Variants in CDS2 observed in about 807,000 individuals in gnomAD.
CDS2 encodes CDP-diacylglycerol synthase 2.
Under a neutral mutation model 59.0 loss-of-function variants are expected in CDS2, and 47 were observed. The observed-to-expected ratio is 0.80, with a 90% CI of 0.63 to 1.02. CDS2 has a LOEUF of 1.02. Among genes scored for constraint, CDS2 ranks in the 50% least tolerant of loss-of-function variants. The probability of loss-of-function intolerance (pLI) is 0.00; values close to 1 mark genes in which losing one functional copy is unlikely to be tolerated. For synonymous variants in CDS2, 207 were observed against 206.4 expected, an observed-to-expected ratio of 1.00 and a Z score of -0.02; for missense variants, 356 against 558.9, an observed-to-expected ratio of 0.64 and a Z score of 3.66.
intron 1 of CDS2, among the ~76,000 whole-genome samples, chr20:5,163,900 C>T (rs1386454816): frequency 6.6e-6 from 1 of 150,586 alleles, no homozygotes; most frequent in African/African-American, 2.4e-5. Flanking sequence ...AAGCAGTTCT[C>T]TTGCCTCAGC....
chr20:5,195,606 A>C lies in CDS2; in HGVS notation c.*5372A>C, dbSNP rs2091151567. The C allele has an allele frequency of 6.6e-6, 1 of 152,386 alleles. No individual in the cohort carries two copies. Among genetic ancestry groups the C allele is most frequent in the Non-Finnish European group, 1.5e-5 (1 of 68,234 alleles). The allele number at this position is 152,386 out of a possible 1,614,324, so 9.4% of individuals were successfully genotyped here. A position where few individuals can be genotyped will look rare whatever the true frequency, so the allele number is the denominator to read the frequency against. ...TCTGGCCAAGGGCTGTCTTCTGTGCACATAGCTCAGGAGCCTGCAGCAGTT... is the reference window on the plus strand; with the variant it reads ...TCTGGCCAAGGGCTGTCTTCTGTGCCCATAGCTCAGGAGCCTGCAGCAGTT... On this transcript the variant is annotated 3_prime_UTR_variant, in exon 13 of 13. Transcript: ENST00000460006.
At chr20:5,153,619 C>G (rs2090809941) in intron 1 of CDS2, among the ~76,000 whole-genome samples, 1 of 152,186 alleles carries the variant, frequency 6.6e-6, no homozygotes, top group South Asian at 2.1e-4. Flanking sequence ...AGATTTCTCC[C>G]AAGATCGTAT....
chr20:5,180,325 G>A (rs2091024729), intron 5 of CDS2, among the ~76,000 whole-genome samples: 1 of 151,586 alleles, frequency 6.6e-6, no homozygotes, highest in African/African-American at 2.4e-5. Context: ...TTAAGGGGAA[G>A]CAAGTTTATT....
intron 5 of CDS2, among the ~76,000 whole-genome samples, chr20:5,180,605 G>A (rs6053178): frequency 0.46 from 69,642 of 151,826 alleles, 16,354 homozygotes; most frequent in South Asian, 0.62. Context: ...CTTTACTGCA[G>A]TTGTTTTCTC....
intron 1 of CDS2, among the ~76,000 whole-genome samples, chr20:5,139,903 G>A (rs1600472315): frequency 6.6e-6 from 1 of 151,262 alleles, no homozygotes; most frequent in African/African-American, 2.4e-5. Context: ...GGTTCAAGCA[G>A]TTCTCCCTGC....
At chr20:5,186,070 CCTT>C (rs1317603521) in intron 9 of CDS2, among the ~76,000 whole-genome samples, 1 of 152,228 alleles carries the variant, frequency 6.6e-6, no homozygotes, top group East Asian at 1.9e-4. Flanking sequence ...CAGCAGGTAG[CCTT>C]CTTGTCAGGC....
chr20:5,136,691 T>A (rs772462078), intron 1 of CDS2, among the ~76,000 whole-genome samples: 6 of 152,130 alleles, frequency 3.9e-5, no homozygotes, highest in Non-Finnish European at 7.4e-5. Flanking sequence ...GAAACTGCCC[T>A]AATAATTATT....
chr20:5,174,699 G>A (rs915197062), intron 2 of CDS2, among the ~76,000 whole-genome samples: 2 of 150,732 alleles, frequency 1.3e-5, no homozygotes, highest in Non-Finnish European at 2.9e-5. Flanking sequence ...TCCAACCTGG[G>A]CTACAGAGGA....
At chr20:5,150,418 T>TA (rs978677313) in intron 1 of CDS2, among the ~76,000 whole-genome samples, 8 of 152,268 alleles carry the variant, frequency 5.3e-5, no homozygotes, top group African/African-American at 1.7e-4. Flanking sequence ...TCTGCCTTCC[T>TA]AGCTTCCTGG....
intron 5 of CDS2, among the ~76,000 whole-genome samples, chr20:5,181,749 A>G (rs572338118): frequency 5.3e-5 from 8 of 152,330 alleles, no homozygotes; most frequent in South Asian, 2.1e-4. Flanking sequence ...TGTGTAGTCT[A>G]TTTCTCTTAG....
At position 5,190,166 on chromosome 20, in the gene CDS2, A is replaced by G; in HGVS notation, c.1270A>G (p.Ile424Val). The part of the protein sequence containing the change: ...LTLRPDQQLH[I>V]FNTLRSHLID... ...TTTACGGCCAGATCAGCAGCTCCAC[A>G]TCTTCAACACGCTGCGGTCTCATCT... is the stretch of plus-strand genomic sequence containing the variant. Residue 424 changes from isoleucine to valine, a missense_variant, in exon 13 of 13, where the codon ATC (isoleucine) becomes GTC (valine). Physicochemically the swap from Ile to Val is conservative, Grantham distance 29 (BLOSUM62 3). Transcript: ENST00000460006. The G allele has an allele frequency of 2.5e-6, 4 of 1,613,962 alleles. No individual in the cohort carries two copies. The highest frequency in any genetic ancestry group is 2.2e-5 in the South Asian group (2 of 91,070).
At chr20:5,138,030 C>G (rs1189265926) in intron 1 of CDS2, among the ~76,000 whole-genome samples, 1 of 151,834 alleles carries the variant, frequency 6.6e-6, no homozygotes, top group African/African-American at 2.4e-5. Flanking sequence ...ATCTCCTGAC[C>G]TCGTGATGCG....
chr20:5,171,545 T>C (rs1600501938), intron 1 of CDS2, among the ~76,000 whole-genome samples: 1 of 152,236 alleles, frequency 6.6e-6, no homozygotes, highest in East Asian at 1.9e-4. Context: ...TACTGGCAAC[T>C]GGTGGTTGCC....
At chr20:5,161,655 A>G (rs2090877543) in intron 1 of CDS2, among the ~76,000 whole-genome samples, 1 of 152,216 alleles carries the variant, frequency 6.6e-6, no homozygotes, top group Non-Finnish European at 1.5e-5. Flanking sequence ...AGCTGCACAG[A>G]AAGTTGATTT....
At position 5,184,520 on chromosome 20, in the gene CDS2, G is replaced by A. The variant is rs543608802; in HGVS notation, c.672-338G>A. On this transcript the variant is annotated intron_variant, in intron 7 of 12. Transcript: ENST00000460006. This position sits in a 1 kb window ranked among gnomAD's most constrained non-coding sequence, Gnocchi z 4.3. Reference sequence around the variant, plus strand: ...GTGGTTATTTTTGGGAATGGAGATAGGGATGGGAGAAAGAAGGAAAACTTT... The same window carrying A: ...GTGGTTATTTTTGGGAATGGAGATAAGGATGGGAGAAAGAAGGAAAACTTT... 3.0e-4 allele frequency among the ~76,000 whole-genome samples: 45 copies of A among 152,258 alleles called. No homozygotes were observed. Among genetic ancestry groups the A allele is most frequent in the African/African-American group, 1.0e-3 (42 of 41,540 alleles).
chr20:5,189,964 T>C, intron 12 of CDS2, 126 bp downstream of exon 12: 1 of 1,365,764 alleles, frequency 7.3e-7, no homozygotes, highest in Non-Finnish European at 1.0e-6. Context: ...TTGTTTCTGC[T>C]TACAGATTTT....
At position 5,190,972 on chromosome 20, in the gene CDS2, T is replaced by TC. The variant is rs1379806050; in HGVS notation, c.*739dup. The stretch of plus-strand genomic sequence containing the variant: ...CTGTAACTGAGCCCTTTCCCACATG[T>TC]CTAGGCTCCAATGTCTCCTGTAGGT... On this transcript the variant is annotated 3_prime_UTR_variant, in exon 13 of 13. Coordinates refer to ENST00000460006, the MANE Select transcript of CDS2 (RefSeq NM_003818.4). 6.6e-6 allele frequency: 1 copy of TC among 152,652 alleles called. No homozygotes were observed. The highest frequency in any genetic ancestry group is 1.5e-5 in the Non-Finnish European group (1 of 68,038). The allele number at this position is 152,652 out of a possible 1,614,324, so 9.5% of individuals were successfully genotyped here.
chr20:5,141,250 GAACA>G (rs1325761888), intron 1 of CDS2, among the ~76,000 whole-genome samples: 6 of 152,252 alleles, frequency 3.9e-5, no homozygotes, highest in African/African-American at 1.2e-4. Context: ...AGAAGAATCT[GAACA>G]GACAGGCCTT....
chr20:5,185,895 G>A (rs1338876456), intron 9 of CDS2, 69 bp downstream of exon 9: 15 of 1,417,806 alleles, frequency 1.1e-5, no homozygotes, highest in Non-Finnish European at 1.3e-5. Context: ...TCCAAGGCCT[G>A]TCCAGAGCTG....
Sources: allele counts gnomAD v4.1 joint callset (sites outside exome capture counted in the v4.1 genomes callset), GRCh38; gene constraint gnomAD v4.1.1; non-coding constraint Gnocchi (gnomAD v3.1); transcripts MANE v1.5; gene names NCBI Gene and HGNC (gene_info 2026-07-23, HGNC 2026-07-21).